Variants in FBN2 observed in about 807,000 individuals in gnomAD.
FBN2 encodes the protein fibrillin-2.
FBN2 carries 105 observed loss-of-function variants against 355.6 expected under a neutral mutation model. The observed-to-expected ratio is 0.30, with a 90% CI of 0.25 to 0.35. FBN2 has a LOEUF of 0.35. FBN2 is among the 10% of genes least tolerant of loss of function. The pLI is 1.00. For missense variants in FBN2, 3,280 were observed against 3,758.7 expected (o/e 0.87, Z 3.33); for synonymous variants, 1,350 against 1,301.2 (o/e 1.04, Z -0.81).
chr5:128,303,263 A>G (rs113939691), intron 45 of FBN2, among the ~76,000 whole-genome samples, 174 bp from the exon 46 acceptor site: 153 of 152,322 alleles, frequency 1.0e-3, no homozygotes, highest in African/African-American at 3.6e-3. Flanking sequence ...AAATTACAAG[A>G]ATCAAAATTG....
At chr5:128,485,939 C>A (rs574272092) in intron 5 of FBN2, among the ~76,000 whole-genome samples, 1 of 152,268 alleles carries the variant, frequency 6.6e-6, no homozygotes, top group African/African-American at 2.4e-5. Context: ...ATTAAGAACA[C>A]AGTGCTTCTA....
At chr5:128,429,324 T>A (rs1314788205) in intron 7 of FBN2, among the ~76,000 whole-genome samples, 1 of 152,140 alleles carries the variant, frequency 6.6e-6, no homozygotes, top group Non-Finnish European at 1.5e-5. Context: ...ACTTCTGTTC[T>A]CCCTCCTCCC....
chr5:128,299,311 G>T (rs1179052418), intron 48 of FBN2, among the ~76,000 whole-genome samples: 2 of 151,862 alleles, frequency 1.3e-5, no homozygotes, highest in East Asian at 3.9e-4. Flanking sequence ...GCCCCCAGAG[G>T]TGGAGCCTAC....
In FBN2 at chr5:128,537,623, C is replaced by G. The variant is rs1256596778; in HGVS notation, c.-20G>C. 2 of 1,603,972 alleles carry G rather than the reference C, an allele frequency of 1.2e-6. No homozygotes were observed. The highest frequency in any genetic ancestry group is 1.3e-5 in the African/African-American group (1 of 74,772). On this transcript the variant is annotated 5_prime_UTR_variant, in exon 1 of 65. Coordinates refer to ENST00000262464, the MANE Select transcript of FBN2 (RefSeq NM_001999.4). ...CCCCATCGCCGGCGCCGAAAGCGCG[C>G]GGCCGTAGACCCGCGGAGAGGGAGT...
intron 5 of FBN2, among the ~76,000 whole-genome samples, chr5:128,501,294 T>G (rs1395902347): frequency 1.3e-5 from 2 of 152,190 alleles, no homozygotes; most frequent in Non-Finnish European, 2.9e-5. Flanking sequence ...CTTTCATCAC[T>G]GCTGCCCAAA....
chr5:128,437,815 T>TAGACAGAC (rs1418072008), intron 7 of FBN2, among the ~76,000 whole-genome samples: 144 of 109,292 alleles, frequency 1.3e-3, no homozygotes, highest in African/African-American at 4.9e-3. Context: ...GATAGATAGA[T>TAGACAGAC]AGATAGACAG....
Position 128,318,205 on chromosome 5 carries a change from T to C in FBN2, c.4661A>G (p.Tyr1554Cys). 6.2e-7 allele frequency: 1 copy of C among 1,614,084 alleles called. No homozygotes were observed. The highest frequency in any genetic ancestry group is 8.5e-7 in the Non-Finnish European group (1 of 1,179,928). ...AAAATCGGGTGGGCAGTTACACTCATAGCGACCAGGCGTGTTGACACATAG... is the reference window on the plus strand; with the variant it reads ...AAAATCGGGTGGGCAGTTACACTCACAGCGACCAGGCGTGTTGACACATAG... ...NGLCVNTPGR[Y>C]ECNCPPDFQL... The change falls in exon 36 of 65, where the codon TAT (tyrosine) becomes TGT (cysteine). Residue 1554 changes from tyrosine (Y) to cysteine (C), a missense_variant. Transcript: ENST00000262464.
chr5:128,507,313 A>G (rs952163455), intron 5 of FBN2, among the ~76,000 whole-genome samples: 1 of 152,056 alleles, frequency 6.6e-6, no homozygotes, highest in African/African-American at 2.4e-5. Context: ...AACTGGTTCC[A>G]GGATGCCCAG....
chr5:128,363,178 C>A (rs1316266383), intron 18 of FBN2, among the ~76,000 whole-genome samples: 1 of 151,946 alleles, frequency 6.6e-6, no homozygotes, highest in African/African-American at 2.4e-5. Flanking sequence ...CCCTTCCCTC[C>A]CTTCCCTTCC....
At chr5:128,436,587 C>G (rs1753772248) in intron 7 of FBN2, among the ~76,000 whole-genome samples, 1 of 151,054 alleles carries the variant, frequency 6.6e-6, no homozygotes, top group African/African-American at 2.4e-5. Flanking sequence ...AACGGTAACC[C>G]TAAGTGATGT....
rs13362405 is a variant in FBN2 at position 128,490,204 on chromosome 5, A to G, written c.629-25283T>C. Among the ~76,000 whole-genome samples, 33 of 152,320 alleles carry G rather than the reference A, an allele frequency of 2.2e-4. 1 individual carries two copies. The highest frequency in any genetic ancestry group is 4.6e-4 in the Admixed American group (7 of 15,292). On this transcript the variant is annotated intron_variant, in intron 5 of 64. Coordinates refer to ENST00000262464, the MANE Select transcript of FBN2 (RefSeq NM_001999.4). Reference sequence around the variant, plus strand: ...TATAAAATGTAGTTTTATTGTTTTAACAATTTGAGATCAGAGCCATACCCA... The same window carrying G: ...TATAAAATGTAGTTTTATTGTTTTAGCAATTTGAGATCAGAGCCATACCCA...
At position 128,424,972 on chromosome 5, in the gene FBN2, A is replaced by C. The variant is rs2127021611; in HGVS notation, c.953-16173T>G. On this transcript the variant is annotated intron_variant, in intron 7 of 64. Transcript: ENST00000262464. ...AAAGCAAATATTTCTTGGAAGGCAT[A>C]GCTGTTTGCCAGCAGTAGTTTTTCT... Among the ~76,000 whole-genome samples, 2 of 151,756 alleles carry C rather than the reference A, an allele frequency of 1.3e-5. 1 individual carries two copies. Among genetic ancestry groups the C allele is most frequent in the East Asian group, 3.9e-4 (2 of 5,164 alleles).
chr5:128,467,897 GT>G (rs1754755671), intron 5 of FBN2, among the ~76,000 whole-genome samples: 1 of 152,118 alleles, frequency 6.6e-6, no homozygotes, highest in African/African-American at 2.4e-5. Flanking sequence ...TAAAAAATTA[GT>G]GCAGTTAGCA....
chr5:128,537,380 C>A lies in FBN2; in HGVS notation c.224G>T (p.Arg75Leu). 3.1e-6 allele frequency: 5 copies of A among 1,610,690 alleles called. No individual in the cohort carries two copies. The highest frequency in any genetic ancestry group is 3.4e-6 in the Non-Finnish European group (4 of 1,179,734). Reference protein sequence around the residue: ...EEGAAVASRVRRRGQQDVLRG... With the variant: ...EEGAAVASRVLRRGQQDVLRG... ...GAGCACGTCCTGCTGTCCTCGCCGG[C>A]GGACGCGGCTGGCCACTGCGGCACC... The change falls in exon 1 of 65, where the codon CGC becomes CTC. Residue 75 changes from arginine (R) to leucine (L), a missense_variant. By Grantham distance (102) the Arg-to-Leu change is moderately radical. Transcript: ENST00000262464.
chr5:128,276,227 C>A (rs1486631975), intron 58 of FBN2, 67 bp from the exon 59 acceptor site: 1 of 1,499,682 alleles, frequency 6.7e-7, no homozygotes, highest in Non-Finnish European at 9.3e-7. Flanking sequence ...TTCCTCCTTC[C>A]ATATTCTCAC....
chr5:128,447,170 G>A (rs915425756), intron 6 of FBN2, among the ~76,000 whole-genome samples: 49 of 152,196 alleles, frequency 3.2e-4, no homozygotes, highest in African/African-American at 1.1e-3. Context: ...TTGTTTAAAC[G>A]ATATGAAATC....
intron 7 of FBN2, among the ~76,000 whole-genome samples, chr5:128,434,408 A>ATATATATATATATATATATATATATATG: frequency 1.6e-5 from 1 of 63,218 alleles, no homozygotes; most frequent in Non-Finnish European, 3.1e-5. Flanking sequence ...ATATATATAT[A>ATATATATATATATATATATATATATATG]TATATATATA....
At chr5:128,368,631 A>C (rs1751848290) in intron 16 of FBN2, among the ~76,000 whole-genome samples, 1 of 151,642 alleles carries the variant, frequency 6.6e-6, no homozygotes, top group Non-Finnish European at 1.5e-5. Flanking sequence ...ATGTAAAAAA[A>C]CCCTCTTATA....
intron 6 of FBN2, 114 bp downstream of exon 6, chr5:128,464,610 T>C: frequency 8.6e-7 from 1 of 1,167,830 alleles, no homozygotes; most frequent in African/African-American, 1.5e-5. Context: ...ACGAGGCCAC[T>C]CTTGGAAATC....
Sources: gnomAD v4.1 joint callset for allele counts (sites outside exome capture counted in the v4.1 genomes callset) on GRCh38, gnomAD v4.1.1 for gene constraint, MANE v1.5 for transcripts, NCBI Gene and HGNC (gene_info 2026-07-23, HGNC 2026-07-21) for gene names.